The following CDC16 variants were observed in gnomAD, a reference collection of about 807,000 sequenced individuals.
CDC16 encodes cell division cycle 16, also known as cell division cycle protein 16 homolog.
A neutral mutation model predicts 87.0 loss-of-function variants in CDC16; 34 were observed. The ratio of observed to expected loss-of-function variants is 0.39; its 90% CI spans 0.30 to 0.52. The LOEUF (loss-of-function observed/expected upper bound fraction) is 0.52, where lower values mean the gene tolerates loss of function less well. Among genes scored for constraint, CDC16 ranks in the 20% least tolerant of loss-of-function variants. The pLI, the probability that CDC16 is intolerant of heterozygous loss-of-function variation, is 0.74. For synonymous variants in CDC16, 263 were observed against 260.6 expected (o/e 1.01, Z -0.09); for missense variants, 653 against 751.9 (o/e 0.87, Z 1.54).
intron 17 of CDC16, among the ~76,000 whole-genome samples, chr13:114,270,580 G>A (rs1325804793): frequency 6.6e-6 from 1 of 152,226 alleles, no homozygotes; most frequent in Non-Finnish European, 1.5e-5. Context: ...TGGGCACAGG[G>A]TCTTAAGGAG....
At position 114,265,144 on chromosome 13, in the gene CDC16, T is replaced by C. The variant is rs371083542; in HGVS notation, c.1513-6T>C. The C allele has an allele frequency of 9.4e-6, 15 of 1,587,742 alleles. No individual in the cohort carries two copies. Among genetic ancestry groups the C allele is most frequent in the Non-Finnish European group, 1.3e-5 (15 of 1,156,214 alleles). On this transcript the variant is annotated splice_region_variant and splice_polypyrimidine_tract_variant and intron_variant, in intron 16 of 17. Coordinates refer to ENST00000356221, the MANE Select transcript of CDC16 (RefSeq NM_001078645.3). ...TTTAATAACCATGCTGAATCTTTTATGGCAGGCCCTTGGTCTTAGGCGAGA... is the reference window on the plus strand; with the variant it reads ...TTTAATAACCATGCTGAATCTTTTACGGCAGGCCCTTGGTCTTAGGCGAGA...
chr13:114,247,830 C>T lies in CDC16; in HGVS notation c.971+826C>T, dbSNP rs17291257. ...AGTGGAGGTTGCAGTGAGCTGATAT[C>T]GCACCATTGCACTCCAGTCTGGGTG... is the stretch of plus-strand genomic sequence containing the variant. On this transcript the variant is annotated intron_variant, in intron 11 of 17. Transcript: ENST00000356221. 4.7e-3 allele frequency among the ~76,000 whole-genome samples: 722 copies of T among 152,036 alleles called. 2 individuals carry two copies. The highest frequency in any genetic ancestry group is 0.016 in the African/African-American group (684 of 41,462).
chr13:114,263,176 A>G (rs2139135432), intron 16 of CDC16, among the ~76,000 whole-genome samples, 162 bp downstream of exon 16: 1 of 152,336 alleles, frequency 6.6e-6, no homozygotes, highest in East Asian at 1.9e-4. Flanking sequence ...TGGGTGTTGT[A>G]CAGTATTCAT....
chr13:114,250,612 G>A lies in CDC16; in HGVS notation c.1035G>A (p.Ala345=), dbSNP rs762043958. 25 of 1,613,906 alleles carry A rather than the reference G, an allele frequency of 1.5e-5. No homozygotes were observed. Among genetic ancestry groups the A allele is most frequent in the Admixed American group, 6.7e-5 (4 of 59,994 alleles). ...GGATAGCCTATGGACATTCATTTGC[G>A]GTGGAGAGTGAGCACGACCAAGCGA... ...PAWIAYGHSF[A]VESEHDQAMA... is the part of the protein sequence containing the mutation. Residue 345 remains alanine (A), a synonymous_variant, in exon 12 of 18, where the codon GCG becomes GCA. Coordinates refer to ENST00000356221, the MANE Select transcript of CDC16 (RefSeq NM_001078645.3).
chr13:114,236,058 A>G (rs1312465174), intron 1 of CDC16, among the ~76,000 whole-genome samples: 1 of 152,246 alleles, frequency 6.6e-6, no homozygotes, highest in Non-Finnish European at 1.5e-5. Flanking sequence ...GAGGAGCAGA[A>G]CAGGGTCTAA....
At chr13:114,255,515 C>G (rs915943280) in intron 12 of CDC16, among the ~76,000 whole-genome samples, 1 of 151,974 alleles carries the variant, frequency 6.6e-6, no homozygotes, top group Non-Finnish European at 1.5e-5. Flanking sequence ...TTTTTGAGCA[C>G]TGTCATGACA....
At chr13:114,267,794 G>T (rs1051808302) in intron 17 of CDC16, among the ~76,000 whole-genome samples, 3 of 145,610 alleles carry the variant, frequency 2.1e-5, no homozygotes, top group African/African-American at 8.5e-5. Flanking sequence ...AACATGGCTG[G>T]ATTTTTCTCC....
intron 17 of CDC16, among the ~76,000 whole-genome samples, chr13:114,265,895 A>G (rs2083180335): frequency 6.6e-6 from 1 of 151,900 alleles, no homozygotes; most frequent in African/African-American, 2.4e-5. Flanking sequence ...TGCCCACCGC[A>G]ACCCCTGCCT....
Position 114,235,071 on chromosome 13 carries a change from G to T in CDC16, c.-14G>T. The T allele has an allele frequency of 8.0e-7, 1 of 1,246,846 alleles. No individual in the cohort carries two copies. 77.2% of individuals were successfully genotyped at this position (1,246,846 alleles called of 1,614,324 possible). A position where few individuals can be genotyped will look rare whatever the true frequency, so the allele number is the denominator to read the frequency against. On this transcript the variant is annotated 5_prime_UTR_variant, in exon 1 of 18. Coordinates refer to ENST00000356221, the MANE Select transcript of CDC16 (RefSeq NM_001078645.3). ...TAGCGGCGGAGTGTGGCGTGAGGCC[G>T]GGCCCGCGCCGCCATGAACCTAGAG...
At chr13:114,269,548 CT>C (rs1463638584) in intron 17 of CDC16, among the ~76,000 whole-genome samples, 3 of 152,270 alleles carry the variant, frequency 2.0e-5, no homozygotes, top group Admixed American at 6.5e-5. Context: ...GTATTCATAG[CT>C]TTATTCATTA....
chr13:114,241,687 G>A (rs927070316), intron 5 of CDC16, among the ~76,000 whole-genome samples: 4 of 152,194 alleles, frequency 2.6e-5, no homozygotes, highest in Admixed American at 6.5e-5. Flanking sequence ...CTTGACAGTT[G>A]TGATTGACTA....
rs868378309 is a variant in CDC16, at chr13:114,234,926, G to A, written c.-159G>A. 101 of 419,216 alleles carry A rather than the reference G, an allele frequency of 2.4e-4. No individual in the cohort carries two copies. Among genetic ancestry groups the A allele is most frequent in the Middle Eastern group, 1.3e-3 (2 of 1,572 alleles). The allele number at this position is 419,216 out of a possible 1,614,324, so 26.0% of individuals were successfully genotyped here. A position where few individuals can be genotyped will look rare whatever the true frequency, so the allele number is the denominator to read the frequency against. ...CACGGGGCCTGGGTGGGGGGTGCGG[G>A]TGTGGGTGGGGACCTGCGGCCTTCG... is the stretch of plus-strand genomic sequence containing the variant. On this transcript the variant is annotated 5_prime_UTR_variant, in exon 1 of 18. The change creates a new upstream start codon in the 5' untranslated region. Transcript: ENST00000356221.
intron 17 of CDC16, among the ~76,000 whole-genome samples, chr13:114,271,443 C>T (rs2083647130): frequency 6.6e-6 from 1 of 151,916 alleles, no homozygotes; most frequent in Non-Finnish European, 1.5e-5. Context: ...CTTTTTTATG[C>T]ATAAGATTGG....
chr13:114,235,243 C>A, intron 1 of CDC16, 111 bp downstream of exon 1: 1 of 733,882 alleles, frequency 1.4e-6, no homozygotes, highest in Non-Finnish European at 1.9e-6. Context: ...AGGACTGGGC[C>A]GGCCCTGGGC....
chr13:114,259,706 T>C (rs374744797), intron 14 of CDC16, among the ~76,000 whole-genome samples: 2 of 152,190 alleles, frequency 1.3e-5, no homozygotes, highest in Non-Finnish European at 2.9e-5. Flanking sequence ...ACGGAAACAA[T>C]TGGGCACTGT....
rs1325263588 is a variant in CDC16 at position 114,257,119 on chromosome 13, T to G, written c.1139T>G (p.Leu380Trp). 1 of 1,612,066 alleles carries G rather than the reference T, an allele frequency of 6.2e-7. No homozygotes were observed. The highest frequency in any genetic ancestry group is 1.3e-5 in the African/African-American group (1 of 74,920). Residue 380 changes from leucine (L) to tryptophan (W), a missense_variant, in exon 13 of 18, where the codon TTG (leucine) becomes TGG (tryptophan). Leu to Trp is a moderately conservative substitution (Grantham distance 61). Coordinates refer to ENST00000356221, the MANE Select transcript of CDC16 (RefSeq NM_001078645.3). ...CTGTATATTGGATTAGAATATGGTT[T>G]GACCAATAACTCAAAACTAGCTGAA... ...PMLYIGLEYG[L>W]TNNSKLAERF... is the part of the protein sequence containing the mutation.
chr13:114,256,450 G>A (rs1453546810), intron 12 of CDC16, among the ~76,000 whole-genome samples: 1 of 152,148 alleles, frequency 6.6e-6, no homozygotes, highest in East Asian at 1.9e-4. Flanking sequence ...TCATCATCAA[G>A]GAAAGATTGT....
chr13:114,261,872 G>A lies in CDC16; in HGVS notation c.1315-15G>A. Reference sequence around the variant, plus strand: ...GACATATATAACTCGTGGGCTTGATGTTGCTATGTTTTAGGTAACAGTTGA... The same window carrying A: ...GACATATATAACTCGTGGGCTTGATATTGCTATGTTTTAGGTAACAGTTGA... On this transcript the variant is annotated splice_polypyrimidine_tract_variant and intron_variant, in intron 14 of 17. Coordinates refer to ENST00000356221, the MANE Select transcript of CDC16 (RefSeq NM_001078645.3). 1 of 1,581,426 alleles carries A rather than the reference G, an allele frequency of 6.3e-7. No individual in the cohort carries two copies. Among genetic ancestry groups the A allele is most frequent in the Middle Eastern group, 1.7e-4 (1 of 5,980 alleles).
chr13:114,247,874 C>T (rs1456790694), intron 11 of CDC16, among the ~76,000 whole-genome samples: 1 of 150,824 alleles, frequency 6.6e-6, no homozygotes, highest in Non-Finnish European at 1.5e-5. Context: ...AAAACTCTGT[C>T]TCAAAAAAAT....
Sources: allele counts gnomAD v4.1 joint callset (sites outside exome capture counted in the v4.1 genomes callset), GRCh38; gene constraint gnomAD v4.1.1; transcripts MANE v1.5; gene names NCBI Gene and HGNC (gene_info 2026-07-23, HGNC 2026-07-21).